The following GNAQ variants were observed in gnomAD, a reference collection of about 807,000 sequenced individuals.
The protein encoded by GNAQ is guanine nucleotide-binding protein G(q) subunit alpha.
In GNAQ, 8 loss-of-function variants were observed where a neutral mutation model predicts 43.9. The ratio of observed to expected loss-of-function variants is 0.18; its 90% CI spans 0.11 to 0.33. The LOEUF (loss-of-function observed/expected upper bound fraction) is 0.33, where lower values mean the gene tolerates loss of function less well. Among genes scored for constraint, GNAQ ranks in the 10% least tolerant of loss-of-function variants. The pLI, the probability that GNAQ is intolerant of heterozygous loss-of-function variation, is 1.00. For synonymous variants in GNAQ, 155 were observed against 170.7 expected (o/e 0.91, Z 0.71); for missense variants, 158 against 450.8 (o/e 0.35, Z 5.88).
intron 5 of GNAQ, among the ~76,000 whole-genome samples, chr9:77,757,859 T>C (rs192072784): frequency 6.6e-5 from 10 of 152,358 alleles, no homozygotes; most frequent in African/African-American, 2.4e-4. Flanking sequence ...AGTCCTTCTT[T>C]AGTTTCTCCC....
chr9:78,010,755 T>C (rs1453291789), intron 1 of GNAQ, among the ~76,000 whole-genome samples: 1 of 152,006 alleles, frequency 6.6e-6, no homozygotes, highest in Non-Finnish European at 1.5e-5. Flanking sequence ...GTAATACAAA[T>C]GGACCAAACA....
At chr9:77,854,429 T>C (rs551274153) in intron 2 of GNAQ, among the ~76,000 whole-genome samples, 37 of 152,310 alleles carry the variant, frequency 2.4e-4, no homozygotes, top group African/African-American at 8.7e-4. Context: ...CAGGAAAGAT[T>C]TGTCATGGGG....
chr9:77,733,018 A>C (rs1041411561), intron 5 of GNAQ, among the ~76,000 whole-genome samples: 1 of 152,134 alleles, frequency 6.6e-6, no homozygotes, highest in Non-Finnish European at 1.5e-5. Flanking sequence ...GAAGCCATGG[A>C]AATGTCAGAC....
At chr9:77,937,350 A>C (rs1393830966) in intron 1 of GNAQ, among the ~76,000 whole-genome samples, 2 of 152,056 alleles carry the variant, frequency 1.3e-5, no homozygotes, top group Non-Finnish European at 2.9e-5. Context: ...AGGCAGGAGA[A>C]TTGCTTGAAC....
chr9:77,885,073 C>T (rs1174708189), intron 2 of GNAQ, among the ~76,000 whole-genome samples: 1 of 152,330 alleles, frequency 6.6e-6, no homozygotes, highest in East Asian at 1.9e-4. Flanking sequence ...GGGACTATTA[C>T]TGTTACAGTA....
intron 1 of GNAQ, 44 bp from the exon 2 acceptor site, chr9:77,922,389 T>G: frequency 7.2e-7 from 1 of 1,393,064 alleles, no homozygotes; most frequent in Non-Finnish European, 1.0e-6. Context: ...CAGTGCCATC[T>G]CAGTCTCTCA....
At chr9:78,004,795 T>C (rs1456368243) in intron 1 of GNAQ, among the ~76,000 whole-genome samples, 1 of 152,030 alleles carries the variant, frequency 6.6e-6, no homozygotes, top group Non-Finnish European at 1.5e-5. Flanking sequence ...CGGTAGGATT[T>C]GCACAGAGAG....
chr9:77,810,140 T>A (rs891241157), intron 3 of GNAQ, among the ~76,000 whole-genome samples: 3 of 152,194 alleles, frequency 2.0e-5, no homozygotes, highest in Admixed American at 6.5e-5. Context: ...CACCTAATCA[T>A]AGGTATTTAT....
chr9:77,777,775 T>C (rs762902075), intron 5 of GNAQ, among the ~76,000 whole-genome samples: 8 of 151,992 alleles, frequency 5.3e-5, no homozygotes, highest in Non-Finnish European at 1.0e-4. Flanking sequence ...GATACCATCT[T>C]ATAACCACTA....
rs558371422 is a variant in GNAQ, at chr9:77,727,721, C to T, written c.889+793G>A. 3.3e-5 allele frequency among the ~76,000 whole-genome samples: 5 copies of T among 152,268 alleles called. No individual in the cohort carries two copies. The South Asian group carries it at 1.0e-3, about 32-fold the overall frequency. ...ATATACTACAGTGCACAAAACAATC[C>T]TATGAGTTTGGTCGTAAGGCCCAGA... is the stretch of plus-strand genomic sequence containing the variant. On this transcript the variant is annotated intron_variant, in intron 6 of 6. Coordinates refer to ENST00000286548, the MANE Select transcript of GNAQ (RefSeq NM_002072.5).
chr9:77,747,187 T>C (rs1825743863), intron 5 of GNAQ, among the ~76,000 whole-genome samples: 1 of 152,080 alleles, frequency 6.6e-6, no homozygotes. Flanking sequence ...TGAACATATA[T>C]TACCTTAGTT....
At chr9:77,851,431 G>A (rs941850840) in intron 2 of GNAQ, among the ~76,000 whole-genome samples, 1 of 152,178 alleles carries the variant, frequency 6.6e-6, no homozygotes, top group Non-Finnish European at 1.5e-5. Context: ...TGCATGAAGA[G>A]CCAAAATCTG....
intron 2 of GNAQ, among the ~76,000 whole-genome samples, chr9:77,907,524 G>A (rs1434972762): frequency 6.6e-6 from 1 of 152,222 alleles, no homozygotes; most frequent in Non-Finnish European, 1.5e-5. Context: ...CAAAGTACAT[G>A]TCTTACACTT....
chr9:78,006,643 C>G (rs1211196323), intron 1 of GNAQ, among the ~76,000 whole-genome samples: 1 of 152,138 alleles, frequency 6.6e-6, no homozygotes, highest in African/African-American at 2.4e-5. Flanking sequence ...ATCTTAAGGT[C>G]TCCTGAAATA....
rs1036495886 is a variant in GNAQ, at chr9:77,716,374, T to C, written c.*4949A>G. On this transcript the variant is annotated 3_prime_UTR_variant, in exon 7 of 7. Transcript: ENST00000286548. Reference sequence around the variant, plus strand: ...AAAACTAGTTCCCATCCCCAAACAATAGACAGTACATGCATTTGAATGACA... The same window carrying C: ...AAAACTAGTTCCCATCCCCAAACAACAGACAGTACATGCATTTGAATGACA... The C allele has an allele frequency of 4.3e-6, 1 of 232,630 alleles. No homozygotes were observed. The highest frequency in any genetic ancestry group is 5.6e-5 in the Admixed American group (1 of 17,792). The allele number at this position is 232,630 out of a possible 1,614,324, so 14.4% of individuals were successfully genotyped here. A position where few individuals can be genotyped will look rare whatever the true frequency, so the allele number is the denominator to read the frequency against.
chr9:77,768,464 G>A (rs1445183596), intron 5 of GNAQ, among the ~76,000 whole-genome samples: 1 of 152,180 alleles, frequency 6.6e-6, no homozygotes, highest in Non-Finnish European at 1.5e-5. Flanking sequence ...TAAGCTTGAT[G>A]TTCAAGTGAA....
At chr9:77,936,866 T>C (rs1829240257) in intron 1 of GNAQ, among the ~76,000 whole-genome samples, 1 of 152,162 alleles carries the variant, frequency 6.6e-6, no homozygotes, top group Admixed American at 6.5e-5. Flanking sequence ...CCTGTCAATA[T>C]ACTACATATT....
At chr9:77,832,783 G>A (rs1827320835) in intron 2 of GNAQ, among the ~76,000 whole-genome samples, 1 of 152,070 alleles carries the variant, frequency 6.6e-6, no homozygotes, top group Non-Finnish European at 1.5e-5. Context: ...TTGTACGGTT[G>A]TCAGATTATT....
chr9:78,024,457 C>A (rs564146582), intron 1 of GNAQ, among the ~76,000 whole-genome samples: 49 of 152,224 alleles, frequency 3.2e-4, no homozygotes, highest in African/African-American at 1.1e-3. Flanking sequence ...TCAGGAATTG[C>A]GATAAAGATA....
Sources: gnomAD v4.1 joint callset for allele counts (sites outside exome capture counted in the v4.1 genomes callset) on GRCh38, gnomAD v4.1.1 for gene constraint, MANE v1.5 for transcripts, NCBI Gene and HGNC (gene_info 2026-07-23, HGNC 2026-07-21) for gene names.